Variants in WDPCP observed in about 807,000 individuals in gnomAD.
WDPCP encodes the protein WD repeat-containing and planar cell polarity effector protein fritz homolog.
WDPCP carries 71 observed loss-of-function variants against 93.1 expected under a neutral mutation model. The ratio of observed to expected loss-of-function variants is 0.76; its 90% CI spans 0.63 to 0.93. The LOEUF (loss-of-function observed/expected upper bound fraction) is 0.93. Among genes scored for constraint, WDPCP ranks in the 40% least tolerant of loss-of-function variants. WDPCP has a pLI of 0.00. For synonymous variants in WDPCP, 315 were observed against 315.0 expected (o/e 1.00, Z 0.00); for missense variants, 844 against 887.4 (o/e 0.95, Z 0.62).
At chr2:63,758,265 C>T (rs1050322921) in intron 2 of WDPCP, among the ~76,000 whole-genome samples, 3 of 151,510 alleles carry the variant, frequency 2.0e-5, no homozygotes, top group Admixed American at 6.6e-5. Flanking sequence ...AGAGGTGTTT[C>T]GAGGAGGCCA....
At chr2:63,340,630 C>T (rs892987224) in intron 12 of WDPCP, among the ~76,000 whole-genome samples, 2 of 152,122 alleles carry the variant, frequency 1.3e-5, no homozygotes, top group Non-Finnish European at 2.9e-5. Flanking sequence ...GAAGATTTTT[C>T]CATTCACTTG....
At position 63,120,387 on chromosome 2, in the gene WDPCP, G is replaced by A. The variant is rs1250951881; in HGVS notation, c.*1619C>T. Among the ~76,000 whole-genome samples the A allele has an allele frequency of 6.6e-6, 1 of 151,976 alleles. No individual in the cohort carries two copies. The highest frequency in any genetic ancestry group is 1.5e-5 in the Non-Finnish European group (1 of 67,980). The stretch of plus-strand genomic sequence containing the variant: ...TGTCATACCCTCTGGTAGAGGTACA[G>A]ATAAATGGGAAGTAGAAAGAAAAAT... On this transcript the variant is annotated 3_prime_UTR_variant, in exon 18 of 18. Transcript: ENST00000272321.
rs1057418355 is a variant in WDPCP, at chr2:63,702,701, C to A, written n.309-51863G>T. 3.5e-5 allele frequency among the ~76,000 whole-genome samples: 5 copies of A among 143,600 alleles called. No homozygotes were observed. The South Asian group carries it at 8.9e-4, about 26-fold the overall frequency. 94.2% of individuals were successfully genotyped at this position (143,600 alleles called of 152,430 possible). A position where few individuals can be genotyped will look rare whatever the true frequency, so the allele number is the denominator to read the frequency against. On this transcript the variant is annotated intron_variant and non_coding_transcript_variant, in intron 2 of 4. Transcript: ENST00000467687. The stretch of plus-strand genomic sequence containing the variant: ...TGCAGGCGCCCACCACCACATCCAG[C>A]TAATTTTTTTTTTTTTTTACTTTTT...
intron 1 of WDPCP, among the ~76,000 whole-genome samples, chr2:63,551,526 G>A (rs747280095): frequency 2.2e-4 from 34 of 152,182 alleles, no homozygotes; most frequent in East Asian, 3.9e-4. Flanking sequence ...GCTTCCTGAG[G>A]CCTCACCAGG....
At chr2:63,175,412 A>C (rs368921398) in intron 14 of WDPCP, among the ~76,000 whole-genome samples, 2 of 96,588 alleles carry the variant, frequency 2.1e-5, no homozygotes, top group East Asian at 4.2e-4. Context: ...AAACCTTATT[A>C]AAAACCAAAA....
intron 2 of WDPCP, among the ~76,000 whole-genome samples, chr2:63,675,558 T>C (rs890400219): frequency 2.0e-5 from 3 of 152,158 alleles, no homozygotes; most frequent in Admixed American, 6.6e-5. Context: ...ATCTCCATTA[T>C]ATGTTGTCAT....
intron 1 of WDPCP, among the ~76,000 whole-genome samples, chr2:63,493,257 G>A (rs1055082617): frequency 6.6e-6 from 1 of 152,200 alleles, no homozygotes; most frequent in Admixed American, 6.5e-5. Context: ...GAATTATTTA[G>A]TATTTAAGCA....
At chr2:63,460,627 A>G (rs955740330) in intron 6 of WDPCP, among the ~76,000 whole-genome samples, 1 of 152,128 alleles carries the variant, frequency 6.6e-6, no homozygotes, top group Non-Finnish European at 1.5e-5. Flanking sequence ...AGAAAAAAAC[A>G]AAACAAAAAA....
intron 15 of WDPCP, among the ~76,000 whole-genome samples, chr2:63,154,523 G>A (rs192452345): frequency 2.6e-5 from 4 of 152,296 alleles, no homozygotes; most frequent in East Asian, 1.9e-4. Flanking sequence ...CATTACAGAT[G>A]TGTGTACCAG....
intron 1 of WDPCP, among the ~76,000 whole-genome samples, chr2:63,544,871 A>C (rs1705020003): frequency 6.6e-6 from 1 of 152,206 alleles, no homozygotes; most frequent in Admixed American, 6.5e-5. Context: ...TTAAAATATT[A>C]ACCTGAGACT....
At chr2:63,500,281 T>A (rs942847141) in intron 1 of WDPCP, among the ~76,000 whole-genome samples, 1 of 152,134 alleles carries the variant, frequency 6.6e-6, no homozygotes, top group Admixed American at 6.5e-5. Flanking sequence ...CTGGACTACA[T>A]AAAAACTACT....
chr2:63,137,962 G>A (rs937384186), intron 17 of WDPCP, among the ~76,000 whole-genome samples: 1 of 151,644 alleles, frequency 6.6e-6, no homozygotes, highest in African/African-American at 2.4e-5. Context: ...CTGTAGTTCT[G>A]TAGTATAGTT....
At chr2:63,646,613 T>C (rs1710053954) in intron 3 of WDPCP, among the ~76,000 whole-genome samples, 1 of 152,178 alleles carries the variant, frequency 6.6e-6, no homozygotes, top group Non-Finnish European at 1.5e-5. Flanking sequence ...TCCCTCAGCT[T>C]TTGTTCGCTT....
At chr2:63,638,379 T>C (rs553506685) in intron 3 of WDPCP, among the ~76,000 whole-genome samples, 1 of 152,296 alleles carries the variant, frequency 6.6e-6, no homozygotes, top group East Asian at 1.9e-4. Flanking sequence ...GCGATGATTA[T>C]GTTAATTAAC....
At chr2:63,814,131 A>T (rs570484381) in intron 1 of WDPCP, among the ~76,000 whole-genome samples, 10 of 152,348 alleles carry the variant, frequency 6.6e-5, no homozygotes, top group African/African-American at 2.4e-4. Context: ...ACATATAGTT[A>T]CCAAACACCT....
At chr2:63,135,405 C>T (rs1021892067) in intron 17 of WDPCP, among the ~76,000 whole-genome samples, 3 of 151,332 alleles carry the variant, frequency 2.0e-5, no homozygotes, top group African/African-American at 7.3e-5. Flanking sequence ...GATCTTGGCT[C>T]ACTGCCACCT....
At chr2:63,552,301 C>A (rs1379322449) in intron 1 of WDPCP, among the ~76,000 whole-genome samples, 1 of 151,072 alleles carries the variant, frequency 6.6e-6, no homozygotes, top group Admixed American at 6.6e-5. Flanking sequence ...TCCAGTTATT[C>A]CCAGAGATAT....
chr2:63,150,386 T>C (rs1205332429), intron 17 of WDPCP, among the ~76,000 whole-genome samples: 1 of 152,300 alleles, frequency 6.6e-6, no homozygotes, highest in East Asian at 1.9e-4. Context: ...GGGAAACTAC[T>C]GGCATTCAGT....
At chr2:63,197,025 AGAAAT>A (rs1163082387) in intron 14 of WDPCP, among the ~76,000 whole-genome samples, 1 of 152,204 alleles carries the variant, frequency 6.6e-6, no homozygotes, top group African/African-American at 2.4e-5. Context: ...GAAATGAAAA[AGAAAT>A]AAACAAATTA....
Sources: allele counts gnomAD v4.1 joint callset (sites outside exome capture counted in the v4.1 genomes callset), GRCh38; gene constraint gnomAD v4.1.1; transcripts MANE v1.5; gene names NCBI Gene and HGNC (gene_info 2026-07-23, HGNC 2026-07-21).